MEIS1: variants seen among roughly 807,000 people sequenced by gnomAD.
The protein encoded by MEIS1 is Meis homeobox 1.
MEIS1 carries 5 observed loss-of-function variants against 50.8 expected under a neutral mutation model. That is an observed-to-expected ratio of 0.10 (90% CI 0.05 to 0.21). MEIS1 has a LOEUF of 0.21. Among genes scored for constraint, MEIS1 ranks in the 10% least tolerant of loss-of-function variants. MEIS1 has a pLI of 1.00. For missense variants in MEIS1, 318 were observed against 517.3 expected (o/e 0.61, Z 3.74); for synonymous variants, 176 against 179.3 (o/e 0.98, Z 0.15).
chr2:66,570,904 G>C (rs936299464), intron 12 of MEIS1: 3 of 254,360 alleles, frequency 1.2e-5, no homozygotes, highest in East Asian at 1.4e-4. Context: ...TTGGTGACCA[G>C]CTCAGTGTAT....
chr2:66,520,200 C>T (rs111755437), intron 8 of MEIS1, among the ~76,000 whole-genome samples: 15,434 of 151,756 alleles, frequency 0.1, 955 homozygotes, highest in African/African-American at 0.17. Context: ...GTTGGCCGGG[C>T]GCGGTGGCTC....
intron 12 of MEIS1, 31 bp downstream of exon 12, chr2:66,569,176 T>C (rs1558567750): frequency 5.1e-6 from 8 of 1,567,256 alleles, no homozygotes; most frequent in Non-Finnish European, 7.0e-6. Context: ...TGTTTTCACT[T>C]TGTCCTAGGA....
At position 66,435,133 on chromosome 2, in the gene MEIS1, C is replaced by G. The variant is rs1671769410; in HGVS notation, c.-724C>G. Reference sequence around the variant, plus strand: ...TACTTCCGGGTTCTAGCATTCTGGTCGGAATCCACCTCTCCGCCTGTGCAA... The same window carrying G: ...TACTTCCGGGTTCTAGCATTCTGGTGGGAATCCACCTCTCCGCCTGTGCAA... On this transcript the variant is annotated 5_prime_UTR_variant, in exon 1 of 13. Coordinates refer to ENST00000272369, the MANE Select transcript of MEIS1 (RefSeq NM_002398.3). The G allele has an allele frequency of 6.6e-6, 1 of 152,508 alleles. No individual in the cohort carries two copies. The highest frequency in any genetic ancestry group is 2.4e-5 in the African/African-American group (1 of 41,468). 9.4% of individuals were successfully genotyped at this position (152,508 alleles called of 1,614,324 possible). A position where few individuals can be genotyped will look rare whatever the true frequency, so the allele number is the denominator to read the frequency against.
intron 7 of MEIS1, among the ~76,000 whole-genome samples, chr2:66,470,396 A>G (rs1423328466): frequency 1.3e-5 from 2 of 152,196 alleles, no homozygotes; most frequent in African/African-American, 2.4e-5. Context: ...AAAAGTCTAT[A>G]TTATTAACTT....
intron 9 of MEIS1, among the ~76,000 whole-genome samples, chr2:66,555,254 T>TTCTC (rs776470607): frequency 2.5e-4 from 9 of 35,474 alleles, no homozygotes; most frequent in Admixed American, 3.6e-4. Flanking sequence ...TGTGTACGTG[T>TTCTC]TCTCTCTCTC....
rs183945646 is a variant in MEIS1 at position 66,551,381 on chromosome 2, C to T, written c.965+3362C>T. 5.8e-4 allele frequency among the ~76,000 whole-genome samples: 88 copies of T among 152,132 alleles called. 1 individual carries two copies. The highest frequency in any genetic ancestry group is 2.1e-3 in the African/African-American group (87 of 41,526). On this transcript the variant is annotated intron_variant, in intron 9 of 12. Coordinates refer to ENST00000272369, the MANE Select transcript of MEIS1 (RefSeq NM_002398.3). ...AGAACTTAAAAGTAAAACAATAAGA[C>T]TGATTTGATTAATTAAGAGAAAATC... is the stretch of plus-strand genomic sequence containing the variant.
intron 6 of MEIS1, among the ~76,000 whole-genome samples, chr2:66,450,613 CAA>C (rs1231968195): frequency 5.9e-5 from 9 of 152,122 alleles, no homozygotes; most frequent in Non-Finnish European, 1.0e-4. Flanking sequence ...TAACCAAATA[CAA>C]AGTCTTACAT....
At chr2:66,522,585 T>A (rs1037543027) in intron 8 of MEIS1, among the ~76,000 whole-genome samples, 1 of 152,188 alleles carries the variant, frequency 6.6e-6, no homozygotes, top group African/African-American at 2.4e-5. Flanking sequence ...GAACAAGGAA[T>A]GAGTAGTAAA....
chr2:66,481,956 G>C (rs1673027074), intron 7 of MEIS1, among the ~76,000 whole-genome samples: 1 of 147,070 alleles, frequency 6.8e-6, no homozygotes, highest in South Asian at 2.2e-4. Flanking sequence ...CCAGTTTCAA[G>C]TGATTCTCCT....
intron 11 of MEIS1, 97 bp from the exon 12 acceptor site, chr2:66,568,953 C>A: frequency 8.2e-7 from 1 of 1,224,380 alleles, no homozygotes; most frequent in Non-Finnish European, 1.2e-6. Flanking sequence ...TATTTCTCAA[C>A]CCTCTAGATC....
At chr2:66,516,492 T>G (rs943715275) in intron 8 of MEIS1, among the ~76,000 whole-genome samples, 4 of 152,146 alleles carry the variant, frequency 2.6e-5, no homozygotes, top group Non-Finnish European at 5.9e-5. Context: ...TTAGACACAC[T>G]TATGTGCCAA....
At chr2:66,555,254 T>TTCTCTC (rs776470607) in intron 9 of MEIS1, among the ~76,000 whole-genome samples, 10 of 35,486 alleles carry the variant, frequency 2.8e-4, no homozygotes, top group Admixed American at 7.1e-4. Flanking sequence ...TGTGTACGTG[T>TTCTCTC]TCTCTCTCTC....
At chr2:66,486,244 A>C (rs1204712477) in intron 7 of MEIS1, among the ~76,000 whole-genome samples, 1 of 152,136 alleles carries the variant, frequency 6.6e-6, no homozygotes, top group Non-Finnish European at 1.5e-5. Context: ...CTATGTTTAA[A>C]TCTTTAATCC....
intron 9 of MEIS1, among the ~76,000 whole-genome samples, chr2:66,566,555 C>T (rs960849592): frequency 2.6e-5 from 4 of 151,866 alleles, no homozygotes; most frequent in South Asian, 2.1e-4. Flanking sequence ...GCAGAACAAA[C>T]GGATCTTAAG....
chr2:66,531,065 T>C (rs1224658301), intron 8 of MEIS1, among the ~76,000 whole-genome samples: 9 of 152,202 alleles, frequency 5.9e-5, no homozygotes, highest in African/African-American at 2.2e-4. Flanking sequence ...TCTGAGCAAC[T>C]GTACACGTTA....
intron 7 of MEIS1, among the ~76,000 whole-genome samples, chr2:66,490,096 T>A (rs2103804657): frequency 6.6e-6 from 1 of 152,330 alleles, no homozygotes; most frequent in African/African-American, 2.4e-5. Flanking sequence ...AAAAAGCCTT[T>A]TTAAAAATGA....
chr2:66,471,514 C>G (rs1355024978), intron 7 of MEIS1, among the ~76,000 whole-genome samples: 2 of 152,086 alleles, frequency 1.3e-5, no homozygotes, highest in African/African-American at 2.4e-5. Context: ...TAAGAAATAC[C>G]AACTCCGGTG....
chr2:66,457,944 T>C (rs970850197), intron 6 of MEIS1, among the ~76,000 whole-genome samples: 4 of 152,158 alleles, frequency 2.6e-5, no homozygotes, highest in African/African-American at 9.7e-5. Context: ...GATTACTTAC[T>C]AAAGAGACCC....
chr2:66,453,994 A>G (rs1019150610), intron 6 of MEIS1, among the ~76,000 whole-genome samples: 3 of 152,048 alleles, frequency 2.0e-5, no homozygotes, highest in African/African-American at 7.2e-5. Flanking sequence ...ACAATATACA[A>G]TTTAGAGCCA....
Sources: allele counts gnomAD v4.1 joint callset (sites outside exome capture counted in the v4.1 genomes callset), GRCh38; gene constraint gnomAD v4.1.1; transcripts MANE v1.5; gene names NCBI Gene and HGNC (gene_info 2026-07-23, HGNC 2026-07-21).